Variants in HNF1B observed in about 807,000 individuals in gnomAD.
HNF1B encodes HNF1 homeobox B.
Under a neutral mutation model 61.7 loss-of-function variants are expected in HNF1B, and 8 were observed. The observed-to-expected ratio is 0.13, with a 90% CI of 0.08 to 0.23. The LOEUF (loss-of-function observed/expected upper bound fraction) is 0.23, where lower values mean the gene tolerates loss of function less well. Among genes scored for constraint, HNF1B ranks in the 10% least tolerant of loss-of-function variants. HNF1B has a pLI of 1.00. For missense variants in HNF1B, 562 were observed against 714.5 expected (o/e 0.79, Z 2.43); for synonymous variants, 314 against 287.7 (o/e 1.09, Z -0.93).
Position 37,709,830 on chromosome 17 carries a change from C to T in HNF1B, c.1206+673G>A, listed in dbSNP as rs114047535. Reference sequence around the variant, plus strand: ...CCCATTTTATAGATGAGGAAGAGATCATAAGTAGTCGAGTAACCTGCTCAG... The same window carrying T: ...CCCATTTTATAGATGAGGAAGAGATTATAAGTAGTCGAGTAACCTGCTCAG... On this transcript the variant is annotated intron_variant, in intron 5 of 8. Transcript: ENST00000617811. Among the ~76,000 whole-genome samples, 288 of 152,230 alleles carry T rather than the reference C, an allele frequency of 1.9e-3. 1 individual carries two copies. The highest frequency in any genetic ancestry group is 6.4e-3 in the African/African-American group (265 of 41,520).
At chr17:37,709,025 C>T (rs1474391089) in intron 5 of HNF1B, among the ~76,000 whole-genome samples, 1 of 152,144 alleles carries the variant, frequency 6.6e-6, no homozygotes, top group Non-Finnish European at 1.5e-5. Context: ...GGCCCCCACT[C>T]TGGGAATGTG....
At chr17:37,687,526 G>T (rs559718427) in intron 8 of HNF1B, 134 bp from the exon 9 acceptor site, 1 of 752,838 alleles carries the variant, frequency 1.3e-6, no homozygotes, top group African/African-American at 1.7e-5. Flanking sequence ...TGGGGGCCTC[G>T]TGTCTGCTCA....
intron 8 of HNF1B, among the ~76,000 whole-genome samples, chr17:37,697,885 C>T (rs1428790984): frequency 4.6e-5 from 7 of 152,110 alleles, no homozygotes; most frequent in Admixed American, 1.3e-4. Context: ...ACTTAATCTA[C>T]GCAAGCTTGC....
At chr17:37,706,676 T>TAAAA (rs35797632) in intron 5 of HNF1B, among the ~76,000 whole-genome samples, 2 of 131,142 alleles carry the variant, frequency 1.5e-5, no homozygotes, top group Non-Finnish European at 1.6e-5. Context: ...TACCAGTCAT[T>TAAAA]AAAAAAAAAA....
chr17:37,687,477 A>T, intron 8 of HNF1B, 85 bp from the exon 9 acceptor site: 1 of 1,010,902 alleles, frequency 9.9e-7, no homozygotes, highest in Admixed American at 1.7e-5. Context: ...AAGGGAGATG[A>T]TGCCCAACTC....
At chr17:37,736,830 G>A (rs2033846820) in intron 2 of HNF1B, among the ~76,000 whole-genome samples, 2 of 152,074 alleles carry the variant, frequency 1.3e-5, no homozygotes, top group Admixed American at 6.5e-5. Flanking sequence ...AGAACCATTC[G>A]GGTTCCACTG....
intron 4 of HNF1B, among the ~76,000 whole-genome samples, chr17:37,727,973 T>C (rs189817368): frequency 1.0e-3 from 154 of 151,892 alleles, no homozygotes; most frequent in Non-Finnish European, 1.7e-3. Flanking sequence ...TGGGCTCTCC[T>C]CAGCAACATG....
At chr17:37,728,348 C>T (rs1386720050) in intron 4 of HNF1B, among the ~76,000 whole-genome samples, 1 of 150,658 alleles carries the variant, frequency 6.6e-6, no homozygotes, top group Admixed American at 6.6e-5. Context: ...GCTCTGTCAC[C>T]CAGGCTAGAG....
At chr17:37,744,398 T>A in intron 1 of HNF1B, 143 bp downstream of exon 1, 1 of 792,144 alleles carries the variant, frequency 1.3e-6, no homozygotes, top group East Asian at 2.6e-5. Flanking sequence ...GTCCGGGTGT[T>A]GGGAGAGAAG....
chr17:37,727,354 C>T (rs2033534086), intron 4 of HNF1B, among the ~76,000 whole-genome samples: 1 of 152,156 alleles, frequency 6.6e-6, no homozygotes, highest in Admixed American at 6.5e-5. Flanking sequence ...GCCTTCCAGG[C>T]TGAAGATAAA....
At chr17:37,688,777 T>C (rs920489954) in intron 8 of HNF1B, among the ~76,000 whole-genome samples, 8 of 152,208 alleles carry the variant, frequency 5.3e-5, no homozygotes, top group Non-Finnish European at 1.2e-4. Context: ...GTCCTGAGCA[T>C]GGTCCTTGGC....
At chr17:37,739,296 C>T in intron 2 of HNF1B, 144 bp downstream of exon 2, 1 of 788,610 alleles carries the variant, frequency 1.3e-6, no homozygotes, top group Non-Finnish European at 2.2e-6. Context: ...CAGCAACCAC[C>T]AAGGCCAAAT....
In HNF1B at chr17:37,701,129, G is replaced by A. The variant is rs1417258360; in HGVS notation, c.1388C>T (p.Ala463Val). ...GGGCTGCAGGGCTGCCAGGCTGCCG[G>A]CCACACTGTTGATGACAGGGACACT... ...AQSVPVINSV[A>V]GSLAALQPVQ... Residue 463 changes from alanine (A) to valine (V), a missense_variant, in exon 7 of 9, where the codon GCC becomes GTC. Transcript: ENST00000617811. 4 of 1,552,184 alleles carry A rather than the reference G, an allele frequency of 2.6e-6. No individual in the cohort carries two copies. Among genetic ancestry groups the A allele is most frequent in the Non-Finnish European group, 3.5e-6 (4 of 1,147,630 alleles).
intron 2 of HNF1B, among the ~76,000 whole-genome samples, chr17:37,737,993 T>C (rs980652038): frequency 6.6e-6 from 1 of 152,242 alleles, no homozygotes; most frequent in Non-Finnish European, 1.5e-5. Flanking sequence ...CTTTCCTGCC[T>C]CCTTCTCCTT....
chr17:37,692,476 T>C (rs780461483), intron 8 of HNF1B, among the ~76,000 whole-genome samples: 4 of 152,234 alleles, frequency 2.6e-5, no homozygotes, highest in South Asian at 4.1e-4. Context: ...GTTTTCTGCT[T>C]TGTAAATCAG....
intron 5 of HNF1B, among the ~76,000 whole-genome samples, chr17:37,706,292 G>T (rs1039492052): frequency 2.0e-5 from 3 of 152,054 alleles, no homozygotes; most frequent in African/African-American, 7.2e-5. Flanking sequence ...ATGAAGAAAG[G>T]ACTGGCCCCT....
intron 5 of HNF1B, among the ~76,000 whole-genome samples, chr17:37,709,237 T>G (rs1052151117): frequency 2.6e-5 from 4 of 152,108 alleles, no homozygotes; most frequent in African/African-American, 9.7e-5. Flanking sequence ...CTAGTTTTAT[T>G]TATTTTATTG....
At chr17:37,740,776 G>A (rs11657964) in intron 1 of HNF1B, among the ~76,000 whole-genome samples, 62,386 of 152,002 alleles carry the variant, frequency 0.41, 13,381 homozygotes, top group African/African-American at 0.52. Context: ...TTAAATACTG[G>A]ATAAGAACAT....
At chr17:37,709,424 AT>A (rs71135761) in intron 5 of HNF1B, among the ~76,000 whole-genome samples, 24 of 146,870 alleles carry the variant, frequency 1.6e-4, no homozygotes, top group Admixed American at 5.5e-4. Flanking sequence ...TAATTTTTGT[AT>A]TTTTTTTTTA....
Sources: gnomAD v4.1 joint callset for allele counts (sites outside exome capture counted in the v4.1 genomes callset) on GRCh38, gnomAD v4.1.1 for gene constraint, MANE v1.5 for transcripts, NCBI Gene and HGNC (gene_info 2026-07-23, HGNC 2026-07-21) for gene names.